CHRM2: variants seen among roughly 807,000 people sequenced by gnomAD.
CHRM2 encodes the protein muscarinic acetylcholine receptor M2.
A neutral mutation model predicts 25.0 loss-of-function variants in CHRM2; 8 were observed. That is an observed-to-expected ratio of 0.32 (90% CI 0.19 to 0.58). The LOEUF is 0.58. Among genes scored for constraint, CHRM2 ranks in the 20% least tolerant of loss-of-function variants. The probability of loss-of-function intolerance (pLI) is 0.88; values close to 1 mark genes in which losing one functional copy is unlikely to be tolerated. For synonymous variants in CHRM2, 202 were observed against 205.7 expected (o/e 0.98, Z 0.15); for missense variants, 440 against 567.1 (o/e 0.78, Z 2.28).
At chr7:136,925,874 C>T (rs1798717168) in intron 2 of CHRM2, among the ~76,000 whole-genome samples, 1 of 152,196 alleles carries the variant, frequency 6.6e-6, no homozygotes, top group South Asian at 2.1e-4. Flanking sequence ...TATTTGCCTC[C>T]TGGGAGCAAA....
At chr7:137,005,524 G>A (rs1452631309) in intron 3 of CHRM2, among the ~76,000 whole-genome samples, 1 of 151,950 alleles carries the variant, frequency 6.6e-6, no homozygotes, top group East Asian at 1.9e-4. Context: ...CTATTCTTCA[G>A]AGGAAAAGTA....
chr7:136,929,269 TTTC>T (rs1446578121), intron 2 of CHRM2, among the ~76,000 whole-genome samples: 1 of 142,252 alleles, frequency 7.0e-6, no homozygotes, highest in Admixed American at 6.7e-5. Flanking sequence ...TTTTCTTTTC[TTTC>T]TTTTTTTTTT....
chr7:136,905,154 C>A (rs1057399614), intron 2 of CHRM2, among the ~76,000 whole-genome samples: 2 of 151,718 alleles, frequency 1.3e-5, no homozygotes, highest in African/African-American at 4.8e-5. Flanking sequence ...AATTGTCTTA[C>A]AAATTTCTAA....
In CHRM2 at chr7:137,003,510, A is replaced by T. The variant is rs1033922204; in HGVS notation, c.-47+11246A>T. ...CACACACACACACACACACACACAC[A>T]CACACACACACACACACACACACAC... On this transcript the variant is annotated intron_variant, in intron 3 of 3. Transcript: ENST00000680005. Among the ~76,000 whole-genome samples the T allele has an allele frequency of 1.2e-4, 18 of 148,014 alleles. No individual in the cohort carries two copies. In the South Asian group the frequency reaches 1.3e-3, roughly 11 times the overall value.
chr7:136,886,460 G>C (rs1309234493), intron 2 of CHRM2, among the ~76,000 whole-genome samples: 1 of 152,196 alleles, frequency 6.6e-6, no homozygotes, highest in Non-Finnish European at 1.5e-5. Flanking sequence ...CTTGCCACTA[G>C]TGTACTTCAA....
intron 2 of CHRM2, among the ~76,000 whole-genome samples, chr7:136,933,363 T>C (rs1799222878): frequency 6.6e-6 from 1 of 152,168 alleles, no homozygotes; most frequent in Non-Finnish European, 1.5e-5. Context: ...ATTAGGGAAA[T>C]ATTAATGAAA....
chr7:137,001,033 A>G (rs1349776073), intron 3 of CHRM2, among the ~76,000 whole-genome samples: 1 of 152,200 alleles, frequency 6.6e-6, no homozygotes, highest in Non-Finnish European at 1.5e-5. Context: ...TCACATATAG[A>G]CAGAAATTAA....
intron 2 of CHRM2, among the ~76,000 whole-genome samples, chr7:136,926,764 G>A (rs974581104): frequency 6.6e-6 from 1 of 152,188 alleles, no homozygotes; most frequent in Non-Finnish European, 1.5e-5. Context: ...TCTGCTGTGA[G>A]CGTCCAGGAA....
chr7:136,987,748 C>T (rs1802953554), intron 2 of CHRM2, among the ~76,000 whole-genome samples: 1 of 152,112 alleles, frequency 6.6e-6, no homozygotes, highest in East Asian at 1.9e-4. Flanking sequence ...AAATGTGCAT[C>T]CCTCCTTATT....
chr7:136,924,213 ATTTT>A (rs773331674), intron 2 of CHRM2, among the ~76,000 whole-genome samples: 1 of 151,264 alleles, frequency 6.6e-6, no homozygotes, highest in Non-Finnish European at 1.5e-5. Context: ...AGTTGTATGT[ATTTT>A]TTTTATTATT....
chr7:136,942,428 C>G (rs1281625327), intron 2 of CHRM2, among the ~76,000 whole-genome samples: 1 of 152,174 alleles, frequency 6.6e-6, no homozygotes, highest in Non-Finnish European at 1.5e-5. Context: ...GACCAGTGTT[C>G]ATTCTATTAC....
At chr7:136,999,453 G>T (rs1195286990) in intron 3 of CHRM2, among the ~76,000 whole-genome samples, 1 of 151,796 alleles carries the variant, frequency 6.6e-6, no homozygotes, top group Non-Finnish European at 1.5e-5. Context: ...GTGCAGGTTT[G>T]TTACATATAT....
At chr7:137,010,168 T>C (rs1804709212) in intron 3 of CHRM2, among the ~76,000 whole-genome samples, 1 of 152,104 alleles carries the variant, frequency 6.6e-6, no homozygotes, top group Admixed American at 6.6e-5. Flanking sequence ...AATGACATGC[T>C]CAGAGTCTCA....
At chr7:136,916,819 TCA>T (rs2130712740) in intron 2 of CHRM2, among the ~76,000 whole-genome samples, 1 of 149,454 alleles carries the variant, frequency 6.7e-6, no homozygotes, top group African/African-American at 2.4e-5. Flanking sequence ...ATTTATTCTA[TCA>T]TTCTCCCTCT....
At chr7:136,871,910 C>G (rs935821905) in intron 2 of CHRM2, 12 of 149,054 alleles carry the variant, frequency 8.1e-5, no homozygotes, top group Admixed American at 8.0e-4. Flanking sequence ...ATTATTGTTA[C>G]TACTATTATC....
intron 2 of CHRM2, among the ~76,000 whole-genome samples, chr7:136,966,158 G>C (rs1801402425): frequency 6.8e-6 from 1 of 147,034 alleles, no homozygotes; most frequent in African/African-American, 2.5e-5. Flanking sequence ...TTCAATCACT[G>C]GCTCCTAAAT....
intron 2 of CHRM2, among the ~76,000 whole-genome samples, chr7:136,906,614 G>C (rs1409775442): frequency 6.6e-6 from 1 of 151,324 alleles, no homozygotes; most frequent in African/African-American, 2.4e-5. Context: ...TTCTAATTCA[G>C]TTTCTTGAAC....
At chr7:136,932,229 A>T (rs898485055) in intron 2 of CHRM2, among the ~76,000 whole-genome samples, 4 of 152,248 alleles carry the variant, frequency 2.6e-5, no homozygotes, top group African/African-American at 9.6e-5. Context: ...AATCTTAGAA[A>T]CACACAAACT....
chr7:136,925,101 G>A (rs1798666955), intron 2 of CHRM2, among the ~76,000 whole-genome samples: 1 of 152,158 alleles, frequency 6.6e-6, no homozygotes, highest in Admixed American at 6.5e-5. Context: ...GTCTGTTAAT[G>A]TCCCACTTAA....
Sources: allele counts gnomAD v4.1 joint callset (sites outside exome capture counted in the v4.1 genomes callset), GRCh38; gene constraint gnomAD v4.1.1; transcripts MANE v1.5; gene names NCBI Gene and HGNC (gene_info 2026-07-23, HGNC 2026-07-21).